Variants in ABCC9 observed in about 807,000 individuals in gnomAD.
The protein encoded by ABCC9 is ATP binding cassette subfamily C member 9.
ABCC9 carries 95 observed loss-of-function variants against 188.3 expected under a neutral mutation model. The ratio of observed to expected loss-of-function variants is 0.50; its 90% CI spans 0.43 to 0.60. ABCC9 has a LOEUF of 0.60. Ranked by LOEUF, ABCC9 falls within the 20% of genes least tolerant of loss-of-function variation. The pLI, the probability that ABCC9 is intolerant of heterozygous loss-of-function variation, is 0.00. For synonymous variants in ABCC9, 659 were observed against 652.7 expected (o/e 1.01, Z -0.15); for missense variants, 1,102 against 1,876.3 (o/e 0.59, Z 7.62).
Position 21,901,001 on chromosome 12 carries a change from G to A in ABCC9, c.1618+5125C>T, listed in dbSNP as rs555430441. 1.9e-3 allele frequency among the ~76,000 whole-genome samples: 291 copies of A among 152,266 alleles called. 1 individual carries two copies. Among genetic ancestry groups the A allele is most frequent in the Middle Eastern group, 6.8e-3 (2 of 294 alleles). ...AAGAGCAACTCCAAGACACATAATT[G>A]TCAGATTCACCAAAGTTGAAATGAA... On this transcript the variant is annotated intron_variant, in intron 12 of 39. Coordinates refer to ENST00000261200, the MANE Select transcript of ABCC9 (RefSeq NM_020297.4).
intron 38 of ABCC9, among the ~76,000 whole-genome samples, chr12:21,807,077 C>G (rs1162127742): frequency 1.3e-5 from 2 of 152,078 alleles, no homozygotes; most frequent in Non-Finnish European, 2.9e-5. Flanking sequence ...CAACTAAGCC[C>G]TGGAAATTTA....
chr12:21,814,937 C>T (rs933724625), intron 34 of ABCC9, among the ~76,000 whole-genome samples: 2 of 152,106 alleles, frequency 1.3e-5, no homozygotes, highest in East Asian at 3.9e-4. Flanking sequence ...AAACCCAACA[C>T]TTTGGGAGGC....
intron 39 of ABCC9, among the ~76,000 whole-genome samples, chr12:21,801,551 C>G (rs897330697): frequency 3.3e-5 from 5 of 152,202 alleles, no homozygotes; most frequent in Admixed American, 6.5e-5. Flanking sequence ...ATAATTATCT[C>G]TTGTGTACAG....
intron 18 of ABCC9, among the ~76,000 whole-genome samples, chr12:21,866,851 G>A (rs1945807266): frequency 6.6e-6 from 1 of 152,142 alleles, no homozygotes; most frequent in East Asian, 1.9e-4. Context: ...TTAAGTGTGG[G>A]TGGACTAGGT....
At chr12:21,905,610 C>T (rs777510793) in intron 12 of ABCC9, among the ~76,000 whole-genome samples, 32 of 151,904 alleles carry the variant, frequency 2.1e-4, no homozygotes, top group Non-Finnish European at 4.0e-4. Flanking sequence ...AAAGTTTTCT[C>T]GGAGTAAAAG....
intron 29 of ABCC9, 52 bp downstream of exon 29, chr12:21,842,262 G>T (rs1944428471): frequency 1.9e-6 from 3 of 1,584,006 alleles, no homozygotes; most frequent in East Asian, 2.3e-5. Flanking sequence ...TGAATAGAGA[G>T]GGCTGACTGT....
chr12:21,839,680 G>T (rs369436053), intron 29 of ABCC9, among the ~76,000 whole-genome samples: 3 of 152,174 alleles, frequency 2.0e-5, no homozygotes, highest in Admixed American at 2.0e-4. Context: ...GGTTTTTGGG[G>T]TTGAGAAGAT....
chr12:21,863,076 A>T, intron 19 of ABCC9, 22 bp from the exon 20 acceptor site: 1 of 1,502,818 alleles, frequency 6.7e-7, no homozygotes, highest in Admixed American at 1.7e-5. Flanking sequence ...AAAAGAAAAA[A>T]AAAAACACCA....
intron 5 of ABCC9, among the ~76,000 whole-genome samples, chr12:21,919,625 AT>A (rs1948728618): frequency 6.6e-6 from 1 of 152,030 alleles, no homozygotes; most frequent in Non-Finnish European, 1.5e-5. Context: ...TAAATTTATA[AT>A]TTTAAATCCT....
intron 5 of ABCC9, chr12:21,923,646 A>G: frequency 1.8e-6 from 1 of 554,124 alleles, no homozygotes; most frequent in Middle Eastern, 4.5e-4. Context: ...AACATGTGGA[A>G]CTGGAACTCT....
chr12:21,924,764 A>C (rs1948982826), intron 5 of ABCC9: 1 of 152,034 alleles, frequency 6.6e-6, no homozygotes, highest in African/African-American at 2.4e-5. Flanking sequence ...ACTTGTTGGA[A>C]ATTTCTTTCT....
chr12:21,902,326 A>G (rs1308261005), intron 12 of ABCC9, among the ~76,000 whole-genome samples: 3 of 152,216 alleles, frequency 2.0e-5, no homozygotes, highest in Admixed American at 2.0e-4. Flanking sequence ...ATAGCACTAA[A>G]TGCCCACAAG....
chr12:21,880,288 G>A (rs1192908708), intron 16 of ABCC9, among the ~76,000 whole-genome samples: 1 of 152,080 alleles, frequency 6.6e-6, no homozygotes, highest in Admixed American at 6.5e-5. Flanking sequence ...TAGCTTCAAA[G>A]CTTTTAGGAG....
In ABCC9 at chr12:21,806,020, T is replaced by G; in HGVS notation, c.4490A>C (p.Asp1497Ala). 1 of 1,613,800 alleles carries G rather than the reference T, an allele frequency of 6.2e-7. No homozygotes were observed. Among genetic ancestry groups the G allele is most frequent in the Non-Finnish European group, 8.5e-7 (1 of 1,179,832 alleles). ...LQKVVMTAFA[D>A]RTVVTIAHRV... ...TACAGCTATTGTCACCACGGTCCGGTCTGCAAAGGCTGTCATTACTACTTT... is the reference window on the plus strand; with the variant it reads ...TACAGCTATTGTCACCACGGTCCGGGCTGCAAAGGCTGTCATTACTACTTT... Residue 1497 changes from aspartate to alanine, a missense_variant, in exon 39 of 40, where the codon GAC (aspartate) becomes GCC (alanine). This residue lies in a region of ABCC9 where 40 missense variants were observed against 105.5 expected (regional missense o/e 0.38). Transcript: ENST00000261200.
At chr12:21,887,361 A>G (rs952585470) in intron 15 of ABCC9, among the ~76,000 whole-genome samples, 3 of 152,190 alleles carry the variant, frequency 2.0e-5, no homozygotes, top group Non-Finnish European at 4.4e-5. Context: ...TGCAAAATAA[A>G]AAGAGCTAGA....
At chr12:21,804,628 G>T (rs1352411339) in intron 39 of ABCC9, among the ~76,000 whole-genome samples, 1 of 152,192 alleles carries the variant, frequency 6.6e-6, no homozygotes, top group Non-Finnish European at 1.5e-5. Flanking sequence ...CGAGAAAGTA[G>T]ATTTTTCTTT....
chr12:21,911,013 C>G, intron 8 of ABCC9, 35 bp from the exon 9 acceptor site: 5 of 1,608,388 alleles, frequency 3.1e-6, no homozygotes, highest in African/African-American at 1.3e-5. Context: ...CATATTAAAA[C>G]TCGTCTTTTT....
intron 9 of ABCC9, 69 bp downstream of exon 9, chr12:21,910,757 C>T (rs540182183): frequency 1.7e-5 from 24 of 1,412,248 alleles, no homozygotes; most frequent in South Asian, 1.1e-4. Context: ...CTGAAGCTAC[C>T]GCTATTCTTT....
intron 21 of ABCC9, 138 bp from the exon 22 acceptor site, chr12:21,859,804 G>A (rs1945414204): frequency 1.3e-6 from 1 of 792,142 alleles, no homozygotes; most frequent in East Asian, 2.5e-5. Context: ...AGTAACATTG[G>A]TAAGAAAACA....
Sources: allele counts gnomAD v4.1 joint callset (sites outside exome capture counted in the v4.1 genomes callset), GRCh38; gene constraint gnomAD v4.1.1; regional missense constraint gnomAD v4.1.1; transcripts MANE v1.5; gene names NCBI Gene and HGNC (gene_info 2026-07-23, HGNC 2026-07-21).